KRTAP10-2: variants seen among roughly 807,000 people sequenced by gnomAD.
KRTAP10-2 encodes keratin associated protein 10-2.
For missense variants in KRTAP10-2, 295 were observed against 319.5 expected (o/e 0.92, Z 0.58); for synonymous variants, 134 against 135.5 (o/e 0.99, Z 0.08).
Position 44,550,467 on chromosome 21 carries a change from G to C in KRTAP10-2, c.*224C>G, listed in dbSNP as rs1322381036. ...ACCAGCGACCAGCGACCAGCGGAGG[G>C]TTGTGGTCTGCAGCCAGGAAGCACC... On this transcript the variant is annotated 3_prime_UTR_variant, in exon 1 of 1. Transcript: ENST00000391621. 1 of 734,438 alleles carries C rather than the reference G, an allele frequency of 1.4e-6. No homozygotes were observed. Among genetic ancestry groups the C allele is most frequent in the Non-Finnish European group, 2.2e-6 (1 of 446,948 alleles). The allele number at this position is 734,438 out of a possible 1,614,324, so 45.5% of individuals were successfully genotyped here.
At position 44,550,733 on chromosome 21, in the gene KRTAP10-2, T is replaced by A. The variant is rs782665615; in HGVS notation, c.726A>T (p.Pro242=). 6.8e-6 allele frequency: 11 copies of A among 1,613,778 alleles called. No individual in the cohort carries two copies. The highest frequency in any genetic ancestry group is 1.3e-5 in the African/African-American group (1 of 74,828). ...GGCCTGAGGAAAAGCTGCAGGAGGC[T>A]GGGCGGGAGCACACGGGGCGGCAGA... is the stretch of plus-strand genomic sequence containing the variant. The part of the protein sequence containing the change: ...SLLCRPVCSR[P]ASCSFSSGQK... Residue 242 remains proline (P), a synonymous_variant, in exon 1 of 1, where the codon CCA becomes CCT. Coordinates refer to ENST00000391621, the MANE Select transcript of KRTAP10-2 (RefSeq NM_198693.4).
rs2053411181 is a variant in KRTAP10-2, at chr21:44,550,927, A to G, written c.532T>C (p.Cys178Arg). Reference protein sequence around the residue: ...CQPACCTSSPCQQSCCVSVCC... With the variant: ...CQPACCTSSPRQQSCCVSVCC... ...ACGGACACACAGCAGGACTGCTGAC[A>G]CGGGGAGGAGGTGCAGCAAGCCGGC... The change falls in exon 1 of 1, where the codon TGT becomes CGT. Residue 178 changes from cysteine (C) to arginine (R), a missense_variant. By Grantham distance (180) the Cys-to-Arg change is radical. Coordinates refer to ENST00000391621, the MANE Select transcript of KRTAP10-2 (RefSeq NM_198693.4). The G allele has an allele frequency of 6.8e-7, 1 of 1,472,598 alleles. No individual in the cohort carries two copies. The highest frequency in any genetic ancestry group is 9.2e-7 in the Non-Finnish European group (1 of 1,089,296). The allele number at this position is 1,472,598 out of a possible 1,614,324, so 91.2% of individuals were successfully genotyped here.
Position 44,550,639 on chromosome 21 carries a change from G to T in KRTAP10-2, c.*52C>A. 6.3e-7 allele frequency: 1 copy of T among 1,597,442 alleles called. No homozygotes were observed. Among genetic ancestry groups the T allele is most frequent in the East Asian group, 2.2e-5 (1 of 44,794 alleles). ...GGCTGGGTGGGCTGGGAGGTCCAAG[G>T]ACTGGCAGGGAGGTGGGGCCTGAGC... On this transcript the variant is annotated 3_prime_UTR_variant, in exon 1 of 1. Transcript: ENST00000391621.
rs1252693912 is a variant in KRTAP10-2, at chr21:44,550,552, C to T, written c.*139G>A. 1 of 1,320,648 alleles carries T rather than the reference C, an allele frequency of 7.6e-7. No homozygotes were observed. Among genetic ancestry groups the T allele is most frequent in the African/African-American group, 1.5e-5 (1 of 67,822 alleles). The allele number at this position is 1,320,648 out of a possible 1,614,324, so 81.8% of individuals were successfully genotyped here. On this transcript the variant is annotated 3_prime_UTR_variant, in exon 1 of 1. Coordinates refer to ENST00000391621, the MANE Select transcript of KRTAP10-2 (RefSeq NM_198693.4). ...AGGTCAGAGAGGAGCCAGTGAGCAT[C>T]TGAGACCCCGGGGCTGGGCGGCTGT...
Position 44,551,077 on chromosome 21 carries a change from G to T in KRTAP10-2, c.382C>A (p.Pro128Thr). ...SSCCQQSSCQ[P>T]ACCASSSCQQ... Reference sequence around the variant, plus strand: ...CAGGAGGAAGAGGCACAGCAAGCTGGCTGGCAGCTAGACTGCTGGCAGCAT... The same window carrying T: ...CAGGAGGAAGAGGCACAGCAAGCTGTCTGGCAGCTAGACTGCTGGCAGCAT... The change falls in exon 1 of 1, where the codon CCA (proline) becomes ACA (threonine). Residue 128 changes from proline to threonine, a missense_variant. Physicochemically the swap from Pro to Thr is conservative, Grantham distance 38. Coordinates refer to ENST00000391621, the MANE Select transcript of KRTAP10-2 (RefSeq NM_198693.4). 3 of 1,571,984 alleles carry T rather than the reference G, an allele frequency of 1.9e-6. No homozygotes were observed. The South Asian group carries it at 3.4e-5, about 18-fold the overall frequency.
At position 44,551,460 on chromosome 21, in the gene KRTAP10-2, C is replaced by G; in HGVS notation, c.-2G>C. The stretch of plus-strand genomic sequence containing the variant: ...GATGGACATGGTGGAGGCGGCCATG[C>G]TGGAGTGGGGAGGAGGTGAGCTGGG... On this transcript the variant is annotated 5_prime_UTR_variant, in exon 1 of 1. Transcript: ENST00000391621. The G allele has an allele frequency of 6.2e-7, 1 of 1,604,970 alleles. No homozygotes were observed. Among genetic ancestry groups the G allele is most frequent in the South Asian group, 1.1e-5 (1 of 89,122 alleles).
chr21:44,550,669 C>T lies in KRTAP10-2; in HGVS notation c.*22G>A, dbSNP rs782198608. ...GCAGGGAGGTGGGGCCTGAGCCCGG[C>T]TGGCCCTGGGGGACATGGCCATCAG... On this transcript the variant is annotated 3_prime_UTR_variant, in exon 1 of 1. Coordinates refer to ENST00000391621, the MANE Select transcript of KRTAP10-2 (RefSeq NM_198693.4). 1.2e-6 allele frequency: 2 copies of T among 1,610,924 alleles called. No homozygotes were observed. Among genetic ancestry groups the T allele is most frequent in the South Asian group, 2.2e-5 (2 of 90,818 alleles).
chr21:44,551,396 G>A lies in KRTAP10-2; in HGVS notation c.63C>T (p.Asp21=). The change falls in exon 1 of 1, where the codon GAC becomes GAT. Residue 21 remains aspartate, a synonymous_variant. Transcript: ENST00000391621. The part of the protein sequence containing the change: ...SACTNSWQVD[D]CPESCCELPC... ...GGAGCTCACAGCAGCTCTCTGGGCA[G>A]TCGTCCACCTGCCAGGAGTTGGTGC... The A allele has an allele frequency of 1.2e-6, 2 of 1,613,394 alleles. No homozygotes were observed. Among genetic ancestry groups the A allele is most frequent in the Non-Finnish European group, 1.7e-6 (2 of 1,179,960 alleles).
At position 44,551,346 on chromosome 21, in the gene KRTAP10-2, G is replaced by T. The variant is rs782297019; in HGVS notation, c.113C>A (p.Ala38Asp). 52 of 1,613,026 alleles carry T rather than the reference G, an allele frequency of 3.2e-5. No individual in the cohort carries two copies. The East Asian group carries it at 1.0e-3, about 32-fold the overall frequency. The change falls in exon 1 of 1, where the codon GCC becomes GAC. Residue 38 changes from alanine (A) to aspartate (D), a missense_variant. By Grantham distance (126) the Ala-to-Asp change is moderately radical. Coordinates refer to ENST00000391621, the MANE Select transcript of KRTAP10-2 (RefSeq NM_198693.4). ...ELPCGTPSCC[A>D]PAPCLTLVCT... ...GACCAGGGTCAGGCAGGGGGCTGGG[G>T]CACAGCAGCTGGGGGTGCCGCAGGG...
rs1386788956 is a variant in KRTAP10-2 at position 44,550,692 on chromosome 21, C to T, written c.767G>A (p.Ter256=). ...GGCTGGCCCTGGGGGACATGGCCAT[C>T]AGCAGCTAGACTTTTGGCCTGAGGA... ...SFSSGQKSSC[*] The change falls in exon 1 of 1, where the codon TGA becomes TAA. Residue 256 remains the stop codon, a stop_retained_variant. Transcript: ENST00000391621. 2 of 1,613,568 alleles carry T rather than the reference C, an allele frequency of 1.2e-6. No individual in the cohort carries two copies. The highest frequency in any genetic ancestry group is 4.5e-5 in the East Asian group (2 of 44,876).
rs1555918687 is a variant in KRTAP10-2 at position 44,551,063 on chromosome 21, G to A, written c.396C>T (p.Ala132=). The change falls in exon 1 of 1, where the codon GCC becomes GCT. Residue 132 remains alanine, a synonymous_variant. Coordinates refer to ENST00000391621, the MANE Select transcript of KRTAP10-2 (RefSeq NM_198693.4). ...QQSSCQPACC[A]SSSCQQSCRV... is the part of the protein sequence containing the mutation. ...GGCAGGACTGCTGGCAGGAGGAAGA[G>A]GCACAGCAAGCTGGCTGGCAGCTAG... is the stretch of plus-strand genomic sequence containing the variant. 3 of 1,611,606 alleles carry A rather than the reference G, an allele frequency of 1.9e-6. No homozygotes were observed. The South Asian group carries it at 3.3e-5, about 18-fold the overall frequency.
In KRTAP10-2 at chr21:44,551,463, G is replaced by C; in HGVS notation, c.-5C>G. 12 of 1,602,954 alleles carry C rather than the reference G, an allele frequency of 7.5e-6. No homozygotes were observed. Among genetic ancestry groups the C allele is most frequent in the Non-Finnish European group, 1.0e-5 (12 of 1,175,080 alleles). ...GGACATGGTGGAGGCGGCCATGCTG[G>C]AGTGGGGAGGAGGTGAGCTGGGGGA... is the stretch of plus-strand genomic sequence containing the variant. On this transcript the variant is annotated 5_prime_UTR_variant, in exon 1 of 1. Transcript: ENST00000391621.
At position 44,551,315 on chromosome 21, in the gene KRTAP10-2, G is replaced by T. The variant is rs1377342949; in HGVS notation, c.144C>A (p.Thr48=). Residue 48 remains threonine, a synonymous_variant, in exon 1 of 1, where the codon ACC becomes ACA. Coordinates refer to ENST00000391621, the MANE Select transcript of KRTAP10-2 (RefSeq NM_198693.4). ...AGGGGCTGGACACACAGCTCACTGG[G>T]GTGCAGACCAGGGTCAGGCAGGGGG... ...APAPCLTLVC[T]PVSCVSSPCC... is the part of the protein sequence containing the mutation. 2.5e-6 allele frequency: 4 copies of T among 1,613,234 alleles called. No homozygotes were observed. In the Admixed American group the frequency reaches 6.7e-5, roughly 27 times the overall value.
rs782633943 is a variant in KRTAP10-2 at position 44,550,857 on chromosome 21, A to G, written c.602T>C (p.Val201Ala). Residue 201 changes from valine to alanine, a missense_variant, in exon 1 of 1, where the codon GTT (valine) becomes GCT (alanine). Transcript: ENST00000391621. The stretch of plus-strand genomic sequence containing the variant: ...GCACGGAGAGGAAGCCCCAGAGCAA[A>G]CAGGTACACAGCAGATGGACTTGCA... ...VCCKSICCVP[V>A]CSGASSPCCQ... 15 of 1,526,916 alleles carry G rather than the reference A, an allele frequency of 9.8e-6. No homozygotes were observed. The highest frequency in any genetic ancestry group is 1.7e-4 in the Middle Eastern group (1 of 5,772). 94.6% of individuals were successfully genotyped at this position (1,526,916 alleles called of 1,614,324 possible). A position where few individuals can be genotyped will look rare whatever the true frequency, so the allele number is the denominator to read the frequency against.
rs149459096 is a variant in KRTAP10-2 at position 44,550,557 on chromosome 21, AC to A, written c.*133del. 2.0e-3 allele frequency: 2,686 copies of A among 1,342,426 alleles called. 35 individuals carry two copies. In the African/African-American group the frequency reaches 0.036, roughly 18 times the overall value. 83.2% of individuals were successfully genotyped at this position (1,342,426 alleles called of 1,614,324 possible). On this transcript the variant is annotated 3_prime_UTR_variant, in exon 1 of 1. Transcript: ENST00000391621. ...AGAGAGGAGCCAGTGAGCATCTGAGACCCCGGGGCTGGGCGGCTGTGGCTGG... is the reference window on the plus strand; with the variant it reads ...AGAGAGGAGCCAGTGAGCATCTGAGACCCGGGGCTGGGCGGCTGTGGCTGG...
At position 44,551,478 on chromosome 21, in the gene KRTAP10-2, G is replaced by A. The variant is rs587726513; in HGVS notation, c.-20C>T. 8 of 1,591,930 alleles carry A rather than the reference G, an allele frequency of 5.0e-6. No individual in the cohort carries two copies. Among genetic ancestry groups the A allele is most frequent in the Admixed American group, 1.7e-5 (1 of 59,206 alleles). On this transcript the variant is annotated 5_prime_UTR_variant, in exon 1 of 1. Coordinates refer to ENST00000391621, the MANE Select transcript of KRTAP10-2 (RefSeq NM_198693.4). ...GGCCATGCTGGAGTGGGGAGGAGGTGAGCTGGGGGAGGTGTGTGAGTGAGT... is the reference window on the plus strand; with the variant it reads ...GGCCATGCTGGAGTGGGGAGGAGGTAAGCTGGGGGAGGTGTGTGAGTGAGT...
In KRTAP10-2 at chr21:44,551,152, C is replaced by G; in HGVS notation, c.307G>C (p.Val103Leu). The G allele has an allele frequency of 6.4e-7, 1 of 1,559,732 alleles. No homozygotes were observed. Among genetic ancestry groups the G allele is most frequent in the Non-Finnish European group, 8.8e-7 (1 of 1,142,144 alleles). Residue 103 changes from valine to leucine, a missense_variant, in exon 1 of 1, where the codon GTC becomes CTC. Transcript: ENST00000391621. ...ACACAGCACACAGGCTTGCAGCAGA[C>G]GGGCACGCAGCAGGCCTGCTGGCAG... ...SPCQQACCVP[V>L]CCKPVCCVPV...
Position 44,550,451 on chromosome 21 carries a change from C to G in KRTAP10-2, c.*240G>C. On this transcript the variant is annotated 3_prime_UTR_variant, in exon 1 of 1. Coordinates refer to ENST00000391621, the MANE Select transcript of KRTAP10-2 (RefSeq NM_198693.4). Reference sequence around the variant, plus strand: ...GGAGGGCCCATCCCCAACCAGCGACCAGCGACCAGCGGAGGGTTGTGGTCT... The same window carrying G: ...GGAGGGCCCATCCCCAACCAGCGACGAGCGACCAGCGGAGGGTTGTGGTCT... 2 of 694,008 alleles carry G rather than the reference C, an allele frequency of 2.9e-6. No individual in the cohort carries two copies. The highest frequency in any genetic ancestry group is 2.9e-5 in the Admixed American group (1 of 33,974). 43.0% of individuals were successfully genotyped at this position (694,008 alleles called of 1,614,324 possible). A position where few individuals can be genotyped will look rare whatever the true frequency, so the allele number is the denominator to read the frequency against.
Position 44,551,069 on chromosome 21 carries a change from G to A in KRTAP10-2, c.390C>T (p.Cys130=), listed in dbSNP as rs782660586. The A allele has an allele frequency of 1.2e-6, 2 of 1,611,338 alleles. No homozygotes were observed. Among genetic ancestry groups the A allele is most frequent in the Non-Finnish European group, 1.7e-6 (2 of 1,178,186 alleles). The change falls in exon 1 of 1, where the codon TGC becomes TGT. Residue 130 remains cysteine (C), a synonymous_variant. Coordinates refer to ENST00000391621, the MANE Select transcript of KRTAP10-2 (RefSeq NM_198693.4). The part of the protein sequence containing the change: ...CCQQSSCQPA[C]CASSSCQQSC... ...ACTGCTGGCAGGAGGAAGAGGCACA[G>A]CAAGCTGGCTGGCAGCTAGACTGCT...
Sources: gnomAD v4.1 joint callset for allele counts on GRCh38, gnomAD v4.1.1 for gene constraint, MANE v1.5 for transcripts, NCBI Gene and HGNC (gene_info 2026-07-23, HGNC 2026-07-21) for gene names.